PSD2: variants seen among roughly 807,000 people sequenced by gnomAD.
PSD2 encodes pleckstrin and Sec7 domain containing 2.
PSD2 carries 38 observed loss-of-function variants against 69.8 expected under a neutral mutation model. The observed-to-expected ratio is 0.54, with a 90% confidence interval of 0.42 to 0.71. PSD2 has a LOEUF of 0.71. PSD2 is among the 30% of genes least tolerant of loss of function. PSD2 has a pLI of 0.00. For synonymous variants in PSD2, 412 were observed against 423.0 expected, an observed-to-expected ratio of 0.97 and a Z score of 0.32; for missense variants, 943 against 1,014.5, an observed-to-expected ratio of 0.93 and a Z score of 0.96.
In PSD2 at chr5:139,837,102, G is replaced by A; in HGVS notation, c.1595-66G>A. ...ACGAACATACAGGTGGACACGTAGT[G>A]GGAGGTGGGGTTGGAGAGACTGCAG... On this transcript the variant is annotated intron_variant, in intron 10 of 14. Transcript: ENST00000274710. This position sits in a 1 kb window ranked among gnomAD's most constrained non-coding sequence, Gnocchi z 5.0. 2.5e-6 allele frequency: 4 copies of A among 1,600,954 alleles called. 1 individual carries two copies. The highest frequency in any genetic ancestry group is 3.4e-6 in the Non-Finnish European group (4 of 1,170,290).
intron 5 of PSD2, among the ~76,000 whole-genome samples, chr5:139,818,515 C>T (rs917081330): frequency 3.3e-5 from 5 of 152,196 alleles, no homozygotes; most frequent in Admixed American, 1.3e-4. Context: ...CACTGCACTC[C>T]AGCCTGGGTG....
chr5:139,787,417 G>A, the PSD2 span, among the ~76,000 whole-genome samples: 3 of 152,346 alleles, frequency 2.0e-5, no homozygotes, highest in Admixed American at 6.5e-5. Flanking sequence ...AACTTTCTGA[G>A]CTCGTGTCCT....
At chr5:139,766,873 TTC>T in the PSD2 span, among the ~76,000 whole-genome samples, 3 of 150,436 alleles carry the variant, frequency 2.0e-5, 1 homozygote, top group Non-Finnish European at 4.4e-5. Context: ...CTTTCTTTCT[TTC>T]TTTCTTTCTT....
chr5:139,835,718 C>T lies in PSD2; in HGVS notation c.1360-5C>T. The T allele has an allele frequency of 6.2e-7, 1 of 1,614,072 alleles. No individual in the cohort carries two copies. The highest frequency in any genetic ancestry group is 8.5e-7 in the Non-Finnish European group (1 of 1,179,922). On this transcript the variant is annotated splice_polypyrimidine_tract_variant and splice_region_variant and intron_variant, in intron 8 of 14. Transcript: ENST00000274710. Reference sequence around the variant, plus strand: ...ATTCCCCCCTCTCTCTTTTCCCTCTCCCAGACCCTTTACAACTCCATCAAG... The same window carrying T: ...ATTCCCCCCTCTCTCTTTTCCCTCTTCCAGACCCTTTACAACTCCATCAAG...
At chr5:139,804,643 G>A (rs771635916) in intron 1 of PSD2, among the ~76,000 whole-genome samples, 2 of 152,128 alleles carry the variant, frequency 1.3e-5, no homozygotes, top group African/African-American at 2.4e-5. Flanking sequence ...GCTTCCCTGG[G>A]TCAGCTGTGG....
At chr5:139,804,917 CTG>C (rs1459779822) in intron 1 of PSD2, among the ~76,000 whole-genome samples, 3 of 148,182 alleles carry the variant, frequency 2.0e-5, no homozygotes, top group Non-Finnish European at 4.5e-5. Flanking sequence ...GTGTGCATGT[CTG>C]TGAACGTGTG....
At chr5:139,829,843 A>G (rs1055295075) in intron 7 of PSD2, among the ~76,000 whole-genome samples, 2 of 152,140 alleles carry the variant, frequency 1.3e-5, no homozygotes, top group Admixed American at 6.5e-5. Context: ...TTTTGGGGGT[A>G]TATACCTAGG....
At chr5:139,835,805 A>C (rs944205980) in intron 9 of PSD2, 39 bp downstream of exon 9, 1 of 1,597,262 alleles carries the variant, frequency 6.3e-7, no homozygotes, top group African/African-American at 1.3e-5. Flanking sequence ...GGGAGCATAC[A>C]TCCCTGGGTG....
the PSD2 span, among the ~76,000 whole-genome samples, chr5:139,766,948 T>C: frequency 4.0e-4 from 50 of 126,412 alleles, 1 homozygote; most frequent in African/African-American, 1.2e-3. Flanking sequence ...TTTCTTTCTT[T>C]CTTTCTTTCT....
At chr5:139,766,945 C>T in the PSD2 span, among the ~76,000 whole-genome samples, 1 of 117,802 alleles carries the variant, frequency 8.5e-6, no homozygotes, top group African/African-American at 3.4e-5. Context: ...TTCTTTCTTT[C>T]TTTCTTTCTT....
At chr5:139,821,764 A>G in intron 5 of PSD2, 129 bp from the exon 6 acceptor site, 1 of 547,006 alleles carries the variant, frequency 1.8e-6, no homozygotes, top group Non-Finnish European at 3.3e-6. Context: ...TGGAGAGAGC[A>G]TCCAGACCCA....
chr5:139,755,728 C>CTGTGACTGTGTCTCTGTG, the PSD2 span, among the ~76,000 whole-genome samples: 1 of 151,348 alleles, frequency 6.6e-6, no homozygotes, highest in African/African-American at 2.4e-5. Flanking sequence ...GTGTGTGATG[C>CTGTGACTGTGTCTCTGTG]TGTGACTGTG....
the PSD2 span, among the ~76,000 whole-genome samples, chr5:139,776,096 C>A: frequency 1.3e-5 from 2 of 152,246 alleles, no homozygotes; most frequent in East Asian, 3.8e-4. Flanking sequence ...TATACCCCAT[C>A]ACCATGGTAA....
At chr5:139,746,534 G>T in the PSD2 span, among the ~76,000 whole-genome samples, 1 of 152,154 alleles carries the variant, frequency 6.6e-6, no homozygotes, top group African/African-American at 2.4e-5. The surrounding 1 kb of genome is among the most constrained non-coding windows in gnomAD (Gnocchi z 4.5). Flanking sequence ...GGCCCCGGGG[G>T]TGTTATTCTG....
the PSD2 span, among the ~76,000 whole-genome samples, chr5:139,757,071 G>A: frequency 1.6e-3 from 245 of 152,336 alleles, 1 homozygote; most frequent in South Asian, 6.2e-3. Context: ...GAGGGGCATG[G>A]CTGGGATTGG....
At chr5:139,794,251 G>C (rs1164440073), upstream of PSD2, among the ~76,000 whole-genome samples, 2 of 152,194 alleles carry the variant, frequency 1.3e-5, no homozygotes, top group African/African-American at 4.8e-5. Flanking sequence ...AGTGACTTAT[G>C]CTCTCCAAGT....
At chr5:139,763,070 G>T in the PSD2 span, among the ~76,000 whole-genome samples, 1 of 152,164 alleles carries the variant, frequency 6.6e-6, no homozygotes, top group African/African-American at 2.4e-5. Flanking sequence ...GGGTGAGGGG[G>T]AGGTTAGGGG....
chr5:139,755,041 C>T, the PSD2 span, among the ~76,000 whole-genome samples: 14 of 152,186 alleles, frequency 9.2e-5, no homozygotes, highest in African/African-American at 3.1e-4. Context: ...CTTATTGAGT[C>T]GCAGACAGTC....
At chr5:139,747,255 C>T in the PSD2 span, among the ~76,000 whole-genome samples, 1 of 152,130 alleles carries the variant, frequency 6.6e-6, no homozygotes, top group Non-Finnish European at 1.5e-5. This position sits in a 1 kb window ranked among gnomAD's most constrained non-coding sequence, Gnocchi z 6.7. Context: ...TTCAGTTACC[C>T]CCAACCCCCC....
Sources: gnomAD v4.1 joint callset for allele counts (sites outside exome capture counted in the v4.1 genomes callset) on GRCh38, gnomAD v4.1.1 for gene constraint, Gnocchi (gnomAD v3.1) non-coding constraint, MANE v1.5 for transcripts, NCBI Gene and HGNC (gene_info 2026-07-23, HGNC 2026-07-21) for gene names.